NLRP5: variants seen among roughly 807,000 people sequenced by gnomAD.
NLRP5 encodes the protein NLR family pyrin domain containing 5, also known as NACHT, LRR and PYD domains-containing protein 5.
NLRP5 carries 93 observed loss-of-function variants against 113.1 expected under a neutral mutation model. The observed-to-expected ratio is 0.82, with a 90% CI of 0.70 to 0.98. The LOEUF is 0.98. NLRP5 is among the 50% of genes least tolerant of loss of function. The pLI is 0.00. For missense variants in NLRP5, 1,808 were observed against 1,514.3 expected (o/e 1.19, Z -3.22); for synonymous variants, 751 against 600.7 (o/e 1.25, Z -3.66).
chr19:56,054,992 CTTTTTTTTTTTTT>C (rs869165472), intron 13 of NLRP5, among the ~76,000 whole-genome samples: 1 of 62,374 alleles, frequency 1.6e-5, no homozygotes, highest in Non-Finnish European at 2.8e-5. Context: ...CACCCCTCCC[CTTTTTTTTTTTTT>C]TTTTTTTTTT....
upstream of NLRP5, among the ~76,000 whole-genome samples, chr19:55,998,672 GTATATATATATATATATATATATATA>G (rs368326842): frequency 1.1e-4 from 12 of 105,946 alleles, no homozygotes; most frequent in African/African-American, 4.1e-4. Flanking sequence ...GTGTGTGTGT[GTATATATATATATATATATATATATA>G]TATATGTGTG....
chr19:56,018,941 G>A lies in NLRP5; in HGVS notation c.566-401G>A, dbSNP rs149405901. On this transcript the variant is annotated intron_variant, in intron 4 of 14. Coordinates refer to ENST00000390649, the MANE Select transcript of NLRP5 (RefSeq NM_153447.4). ...CCTGAGTAGCTGGGATTACAGGCACGTGCCACCATCCCTGGCTAACTTTTT... is the reference window on the plus strand; with the variant it reads ...CCTGAGTAGCTGGGATTACAGGCACATGCCACCATCCCTGGCTAACTTTTT... 5.9e-3 allele frequency among the ~76,000 whole-genome samples: 903 copies of A among 152,126 alleles called. 6 individuals are homozygous for A. The highest frequency in any genetic ancestry group is 0.021 in the African/African-American group (861 of 41,510).
chr19:56,012,718 T>C (rs1982246257), intron 3 of NLRP5, among the ~76,000 whole-genome samples: 1 of 152,110 alleles, frequency 6.6e-6, no homozygotes, highest in Non-Finnish European at 1.5e-5. Context: ...GATATTGTAA[T>C]GAATGACACT....
intron 6 of NLRP5, among the ~76,000 whole-genome samples, chr19:56,023,551 C>G (rs573780453): frequency 1.3e-5 from 2 of 152,092 alleles, no homozygotes; most frequent in Non-Finnish European, 2.9e-5. Context: ...CAAATTGAAG[C>G]GATGTGTAGA....
rs769417177 is a variant in NLRP5, at chr19:56,033,611, A to C, written c.2517A>C (p.Leu839=). 2 of 1,613,694 alleles carry C rather than the reference A, an allele frequency of 1.2e-6. No homozygotes were observed. The highest frequency in any genetic ancestry group is 3.3e-5 in the Admixed American group (2 of 60,014). ...GAATCGTCATGGCCAACCGTAACCTAAGATCCCTCAACTTGGGAGGCACCC... is the reference window on the plus strand; with the variant it reads ...GAATCGTCATGGCCAACCGTAACCTCAGATCCCTCAACTTGGGAGGCACCC... The change falls in exon 9 of 15, where the codon CTA becomes CTC. Residue 839 remains leucine, a synonymous_variant. Coordinates refer to ENST00000390649, the MANE Select transcript of NLRP5 (RefSeq NM_153447.4).
chr19:56,059,315 C>A (rs1984267370), intron 14 of NLRP5, among the ~76,000 whole-genome samples: 1 of 152,166 alleles, frequency 6.6e-6, no homozygotes, highest in African/African-American at 2.4e-5. Flanking sequence ...CTAGAAGTTT[C>A]TTTCATGACA....
intron 13 of NLRP5, among the ~76,000 whole-genome samples, chr19:56,057,612 T>C (rs8110255): frequency 0.14 from 21,002 of 152,220 alleles, 1,633 homozygotes; most frequent in East Asian, 0.31. Flanking sequence ...TTGTTATGTT[T>C]CCTTGCTACA....
chr19:56,010,397 T>C (rs2123279961), intron 3 of NLRP5, among the ~76,000 whole-genome samples: 1 of 152,164 alleles, frequency 6.6e-6, no homozygotes, highest in East Asian at 1.9e-4. Flanking sequence ...GGAGCTTACA[T>C]CATAGGGGAT....
intron 9 of NLRP5, among the ~76,000 whole-genome samples, chr19:56,035,975 T>C (rs1012530993): frequency 2.0e-4 from 30 of 152,010 alleles, no homozygotes; most frequent in African/African-American, 6.8e-4. Context: ...ACGAGATTCT[T>C]TGATTCAATA....
chr19:56,008,966 C>G (rs1274568599), intron 3 of NLRP5, 113 bp downstream of exon 3: 4 of 876,918 alleles, frequency 4.6e-6, no homozygotes, highest in Non-Finnish European at 7.5e-6. Context: ...TCTTTCTAGT[C>G]TAACTACCCT....
chr19:56,013,706 A>G (rs1257915346), intron 3 of NLRP5, among the ~76,000 whole-genome samples: 1 of 147,016 alleles, frequency 6.8e-6, no homozygotes, highest in East Asian at 2.0e-4. Flanking sequence ...CTAGGAGTGG[A>G]AGTGGTGGGT....
chr19:56,004,736 A>G (rs1399495360), intron 2 of NLRP5, among the ~76,000 whole-genome samples: 1 of 151,994 alleles, frequency 6.6e-6, no homozygotes, highest in Non-Finnish European at 1.5e-5. Context: ...TTTTATCTAG[A>G]GAATCTCTCC....
In NLRP5 at chr19:56,033,591, G is replaced by A. The variant is rs777556108; in HGVS notation, c.2497G>A (p.Val833Ile). The A allele has an allele frequency of 7.1e-5, 115 of 1,613,744 alleles. No individual in the cohort carries two copies. The highest frequency in any genetic ancestry group is 8.6e-5 in the Non-Finnish European group (101 of 1,179,718). ...TGGTGTGCAGCACCTCTGGAGAATC[G>A]TCATGGCCAACCGTAACCTAAGATC... The change falls in exon 9 of 15, where the codon GTC (valine) becomes ATC (isoleucine). Residue 833 changes from valine to isoleucine, a missense_variant. Physicochemically the swap from Val to Ile is conservative, Grantham distance 29 (BLOSUM62 3). Coordinates refer to ENST00000390649, the MANE Select transcript of NLRP5 (RefSeq NM_153447.4).
Position 56,051,576 on chromosome 19 carries a change from C to G in NLRP5, c.3128+988C>G, listed in dbSNP as rs950546153. Among the ~76,000 whole-genome samples, 12 of 152,284 alleles carry G rather than the reference C, an allele frequency of 7.9e-5. No homozygotes were observed. In the South Asian group the frequency reaches 1.2e-3, roughly 16 times the overall value. On this transcript the variant is annotated intron_variant, in intron 12 of 14. Coordinates refer to ENST00000390649, the MANE Select transcript of NLRP5 (RefSeq NM_153447.4). Reference sequence around the variant, plus strand: ...AATCTCATGTAGTCTCACCACCCCCCCATCATATCCAGTGGAGAACTGAAC... The same window carrying G: ...AATCTCATGTAGTCTCACCACCCCCGCATCATATCCAGTGGAGAACTGAAC...
chr19:56,003,836 C>G lies in NLRP5; in HGVS notation c.183C>G (p.Ser61=), dbSNP rs770270582. 6.2e-7 allele frequency: 1 copy of G among 1,613,992 alleles called. No individual in the cohort carries two copies. Among genetic ancestry groups the G allele is most frequent in the Non-Finnish European group, 8.5e-7 (1 of 1,179,896 alleles). Residue 61 remains serine (S), a synonymous_variant, in exon 2 of 15, where the codon TCC becomes TCG. Transcript: ENST00000390649. ...AAGGAGACAAATCGCTCACCTTTTC[C>G]AGCTACGGGCTGCAATGGTGTCTCT...
Position 56,027,250 on chromosome 19 carries a change from G to A in NLRP5, c.1017G>A (p.Glu339=), listed in dbSNP as rs373940749. Reference sequence around the variant, plus strand: ...GTGTCACAGAGTTCATCTCCAGGGAGTGGCCAGACTCCCAGGCTCCGGTGA... The same window carrying A: ...GTGTCACAGAGTTCATCTCCAGGGAATGGCCAGACTCCCAGGCTCCGGTGA... Residue 339 remains glutamate (E), a synonymous_variant, in exon 7 of 15, where the codon GAG becomes GAA. Transcript: ENST00000390649. 3.7e-6 allele frequency: 6 copies of A among 1,612,530 alleles called. No individual in the cohort carries two copies. In the African/African-American group the frequency reaches 6.7e-5, roughly 18 times the overall value.
At position 56,050,417 on chromosome 19, in the gene NLRP5, G is replaced by A. The variant is rs751669911; in HGVS notation, c.2958-1G>A. The A allele has an allele frequency of 6.2e-7, 1 of 1,613,242 alleles. No homozygotes were observed. ...TTCTTTCCCATGTGTGTGCCCCACA[G>A]GCTGAATCAGTGCCACCTGGACACG... On this transcript the variant is annotated splice_acceptor_variant, in intron 11 of 14. Transcript: ENST00000390649. LOFTEE classifies it high-confidence loss of function.
the NLRP5 span, among the ~76,000 whole-genome samples, chr19:55,991,630 G>A: frequency 5.9e-5 from 9 of 152,146 alleles, no homozygotes; most frequent in South Asian, 4.2e-4. Flanking sequence ...GGATTTCATC[G>A]TTACATTTGT....
intron 7 of NLRP5, among the ~76,000 whole-genome samples, chr19:56,031,701 A>C (rs1418887772): frequency 1.3e-5 from 2 of 151,862 alleles, no homozygotes; most frequent in Non-Finnish European, 2.9e-5. Context: ...GGTATAGCTC[A>C]CCTAACATAA....
Sources: allele counts gnomAD v4.1 joint callset (sites outside exome capture counted in the v4.1 genomes callset), GRCh38; gene constraint gnomAD v4.1.1; transcripts MANE v1.5; gene names NCBI Gene and HGNC (gene_info 2026-07-23, HGNC 2026-07-21).